The following HSP90B1 variants were observed in gnomAD, a reference collection of about 807,000 sequenced individuals.
HSP90B1 encodes heat shock protein 90 beta family member 1, also known as endoplasmin.
HSP90B1 carries 27 observed loss-of-function variants against 100.4 expected under a neutral mutation model. The ratio of observed to expected loss-of-function variants is 0.27; its 90% CI spans 0.20 to 0.37. HSP90B1 has a LOEUF of 0.37. Ranked by LOEUF, HSP90B1 falls within the 10% of genes least tolerant of loss-of-function variation. HSP90B1 has a pLI of 1.00. For missense variants in HSP90B1, 678 were observed against 960.5 expected, an observed-to-expected ratio of 0.71 and a Z score of 3.89; for synonymous variants, 304 against 330.8, an observed-to-expected ratio of 0.92 and a Z score of 0.88.
chr12:103,940,786 A>G (rs780632787), intron 8 of HSP90B1, among the ~76,000 whole-genome samples: 24 of 152,202 alleles, frequency 1.6e-4, no homozygotes, highest in Non-Finnish European at 2.9e-4. Context: ...CAATATAAAA[A>G]CTAATAATGA....
At chr12:103,946,010 T>C (rs1408560880) in intron 14 of HSP90B1, among the ~76,000 whole-genome samples, 2 of 151,904 alleles carry the variant, frequency 1.3e-5, no homozygotes, top group African/African-American at 2.4e-5. Context: ...AATCCACACA[T>C]AGTCAAGTCC....
Position 103,932,392 on chromosome 12 carries a change from A to G in HSP90B1, c.268A>G (p.Ile90Val), listed in dbSNP as rs774934129. The G allele has an allele frequency of 5.0e-6, 8 of 1,612,702 alleles. No individual in the cohort carries two copies. The highest frequency in any genetic ancestry group is 6.8e-6 in the Non-Finnish European group (8 of 1,179,324). Residue 90 changes from isoleucine (I) to valine (V), a missense_variant, in exon 3 of 18, where the codon ATC becomes GTC. Coordinates refer to ENST00000299767, the MANE Select transcript of HSP90B1 (RefSeq NM_003299.3). ...AGTTAACAGAATGATGAAACTTATC[A>G]TCAATTCATTGTATAAAAATAAAGA... ...AEVNRMMKLI[I>V]NSLYKNKEIF...
rs1444106879 is a variant in HSP90B1 at position 103,932,374 on chromosome 12, A to C, written c.250A>C (p.Arg84=). The C allele has an allele frequency of 4.3e-6, 7 of 1,613,066 alleles. No homozygotes were observed. Among genetic ancestry groups the C allele is most frequent in the Non-Finnish European group, 5.9e-6 (7 of 1,179,524 alleles). The change falls in exon 3 of 18, where the codon AGA becomes CGA. Residue 84 remains arginine, a synonymous_variant. Coordinates refer to ENST00000299767, the MANE Select transcript of HSP90B1 (RefSeq NM_003299.3). The part of the protein sequence containing the change: ...EKFAFQAEVN[R]MMKLIINSLY... ...GTTTGCCTTCCAAGCCGAAGTTAAC[A>C]GAATGATGAAACTTATCATCAATTC... is the stretch of plus-strand genomic sequence containing the variant.
rs555733986 is a variant in HSP90B1 at position 103,946,825 on chromosome 12, G to A, written c.2146G>A (p.Val716Ile). The A allele has an allele frequency of 2.2e-5, 36 of 1,614,112 alleles. No homozygotes were observed. In the African/African-American group the frequency reaches 3.9e-4, roughly 17 times the overall value. The change falls in exon 16 of 18, where the codon GTT becomes ATT. Residue 716 changes from valine to isoleucine, a missense_variant. By Grantham distance (29) the Val-to-Ile change is conservative (BLOSUM62 3). Transcript: ENST00000299767. ...TAAAACAGTTTTGGATCTTGCTGTG[G>A]TTTTGTTTGAAACAGCAACGCTTCG... ...DDKTVLDLAV[V>I]LFETATLRSG...
intron 2 of HSP90B1, chr12:103,932,062 T>C (rs1869780079): frequency 6.1e-6 from 3 of 490,118 alleles, no homozygotes; most frequent in African/African-American, 1.9e-5. Flanking sequence ...TTTTTTTTTC[T>C]GGCAATTTTA....
intron 8 of HSP90B1, among the ~76,000 whole-genome samples, chr12:103,939,943 A>G (rs1434894857): frequency 2.0e-5 from 3 of 152,246 alleles, no homozygotes; most frequent in Non-Finnish European, 2.9e-5. Flanking sequence ...CACTACTTCA[A>G]AATTGCAGCA....
In HSP90B1 at chr12:103,941,658, C is replaced by T. The variant is rs564418201; in HGVS notation, c.1260C>T (p.Asp420=). 1.9e-5 allele frequency: 31 copies of T among 1,614,062 alleles called. No individual in the cohort carries two copies. Among genetic ancestry groups the T allele is most frequent in the South Asian group, 6.6e-5 (6 of 91,080 alleles). The change falls in exon 10 of 18, where the codon GAC becomes GAT. Residue 420 remains aspartate, a synonymous_variant. Transcript: ENST00000299767. ...KLYVRRVFIT[D]DFHDMMPKYL... ...ATGTGCGCCGTGTATTCATCACAGACGACTTCCATGATATGATGCCTAAAT... is the reference window on the plus strand; with the variant it reads ...ATGTGCGCCGTGTATTCATCACAGATGACTTCCATGATATGATGCCTAAAT...
Position 103,942,778 on chromosome 12 carries a change from T to C in HSP90B1, c.1626T>C (p.Ala542=). 6.2e-7 allele frequency: 1 copy of C among 1,613,906 alleles called. No homozygotes were observed. Among genetic ancestry groups the C allele is most frequent in the Non-Finnish European group, 8.5e-7 (1 of 1,179,812 alleles). ...KEKQDKIYFM[A]GSSRKEAESS... is the part of the protein sequence containing the mutation. ...AACAAGACAAAATCTACTTCATGGC[T>C]GGGTCCAGCAGAAAAGAGGTGAGAT... Residue 542 remains alanine (A), a synonymous_variant, in exon 12 of 18, where the codon GCT becomes GCC. Coordinates refer to ENST00000299767, the MANE Select transcript of HSP90B1 (RefSeq NM_003299.3).
At chr12:103,944,717 C>G (rs750537345) in intron 14 of HSP90B1, among the ~76,000 whole-genome samples, 4 of 152,056 alleles carry the variant, frequency 2.6e-5, no homozygotes, top group Non-Finnish European at 5.9e-5. Context: ...TCAGCACACC[C>G]GCTAATTTTT....
In HSP90B1 at chr12:103,943,811, C is replaced by G. The variant is rs1566167847; in HGVS notation, c.1964C>G (p.Ser655Cys). The change falls in exon 14 of 18, where the codon TCT becomes TGT. Residue 655 changes from serine (S) to cysteine (C), a missense_variant. Physicochemically the swap from Ser to Cys is moderately radical, Grantham distance 112. This residue lies in a region of HSP90B1 where 170 missense variants were observed against 236.7 expected (regional missense o/e 0.72). Transcript: ENST00000299767. This position sits in a 1 kb window ranked among gnomAD's most constrained non-coding sequence, Gnocchi z 5.3. ...TTGGTGGCCAGCCAGTACGGATGGT[C>G]TGGCAACATGGAGAGAATCATGAAA... is the stretch of plus-strand genomic sequence containing the variant. ...CALVASQYGWSGNMERIMKAQ... is the reference protein window; with the variant it reads ...CALVASQYGWCGNMERIMKAQ... 6 of 1,613,976 alleles carry G rather than the reference C, an allele frequency of 3.7e-6. No individual in the cohort carries two copies. Among genetic ancestry groups the G allele is most frequent in the Non-Finnish European group, 4.2e-6 (5 of 1,179,992 alleles).
chr12:103,944,496 A>T (rs894788168), intron 14 of HSP90B1, among the ~76,000 whole-genome samples: 1 of 151,842 alleles, frequency 6.6e-6, no homozygotes, highest in African/African-American at 2.4e-5. Flanking sequence ...TTTCACCTGG[A>T]GTATGTTTCT....
intron 16 of HSP90B1, 80 bp from the exon 17 acceptor site, chr12:103,947,231 T>A: frequency 6.8e-7 from 1 of 1,479,436 alleles, no homozygotes; most frequent in Non-Finnish European, 9.0e-7. Flanking sequence ...GAAGTGACAT[T>A]AATTATGATT....
chr12:103,939,405 TG>T (rs1234819423), intron 7 of HSP90B1, 103 bp from the exon 8 acceptor site: 2 of 570,544 alleles, frequency 3.5e-6, no homozygotes, highest in Non-Finnish European at 6.3e-6. Context: ...ACCAGTCCTC[TG>T]GGTCTTTACA....
chr12:103,944,478 C>G (rs984058660), intron 14 of HSP90B1, among the ~76,000 whole-genome samples: 22 of 151,952 alleles, frequency 1.4e-4, no homozygotes, highest in African/African-American at 5.3e-4. Context: ...TACTTTTATT[C>G]TCTCTTCTTT....
Position 103,942,762 on chromosome 12 carries a change from A to G in HSP90B1, c.1610A>G (p.Lys537Arg), listed in dbSNP as rs1308375520. 6.2e-7 allele frequency: 1 copy of G among 1,613,936 alleles called. No individual in the cohort carries two copies. The change falls in exon 12 of 18, where the codon AAA becomes AGA. Residue 537 changes from lysine (K) to arginine (R), a missense_variant. Lys to Arg is a conservative substitution (Grantham distance 26, BLOSUM62 2). Around this residue, in one of 8 missense-constraint regions of HSP90B1, gnomAD observed 170 missense variants for 236.7 expected, o/e 0.72. Transcript: ENST00000299767. ...GAAAGAATGAAGGAAAAACAAGACAAAATCTACTTCATGGCTGGGTCCAGC... is the reference window on the plus strand; with the variant it reads ...GAAAGAATGAAGGAAAAACAAGACAGAATCTACTTCATGGCTGGGTCCAGC... The part of the protein sequence containing the change: ...YVERMKEKQD[K>R]IYFMAGSSRK...
intron 11 of HSP90B1, 50 bp downstream of exon 11, chr12:103,941,947 C>A: frequency 7.2e-7 from 1 of 1,393,274 alleles, no homozygotes; most frequent in Non-Finnish European, 1.0e-6. Context: ...GATTGGGGTT[C>A]AGAGGACAGG....
intron 8 of HSP90B1, among the ~76,000 whole-genome samples, chr12:103,940,200 C>A (rs910396374): frequency 5.9e-5 from 9 of 152,144 alleles, no homozygotes; most frequent in African/African-American, 1.9e-4. Context: ...ATTTCCACCA[C>A]AAAACCCGTA....
At chr12:103,938,185 A>AT in intron 6 of HSP90B1, 155 bp from the exon 7 acceptor site, 2 of 578,780 alleles carry the variant, frequency 3.5e-6, no homozygotes, top group Non-Finnish European at 5.8e-6. Flanking sequence ...AAAAAAAAAA[A>AT]GAATGAAGGC....
rs1475487057 is a variant in HSP90B1, at chr12:103,941,403, T to C, written c.1093-7T>C. On this transcript the variant is annotated splice_polypyrimidine_tract_variant and splice_region_variant and intron_variant, in intron 8 of 17. Coordinates refer to ENST00000299767, the MANE Select transcript of HSP90B1 (RefSeq NM_003299.3). ...GTTTGAATGACTAAGATACCAACTTTCCACAGGAAAGTGATGACCCCATGG... is the reference window on the plus strand; with the variant it reads ...GTTTGAATGACTAAGATACCAACTTCCCACAGGAAAGTGATGACCCCATGG... The C allele has an allele frequency of 6.2e-7, 1 of 1,611,426 alleles. No homozygotes were observed. Among genetic ancestry groups the C allele is most frequent in the East Asian group, 2.2e-5 (1 of 44,872 alleles).
Sources: gnomAD v4.1 joint callset for allele counts (sites outside exome capture counted in the v4.1 genomes callset) on GRCh38, gnomAD v4.1.1 for gene constraint, gnomAD v4.1.1 regional missense constraint, Gnocchi (gnomAD v3.1) non-coding constraint, MANE v1.5 for transcripts, NCBI Gene and HGNC (gene_info 2026-07-23, HGNC 2026-07-21) for gene names.